MKLN1: variants seen among roughly 807,000 people sequenced by gnomAD.
MKLN1 encodes the protein muskelin 1.
MKLN1 carries 18 observed loss-of-function variants against 99.0 expected under a neutral mutation model. That is an observed-to-expected ratio of 0.18 (90% CI 0.13 to 0.27). MKLN1 has a LOEUF of 0.27. Among genes scored for constraint, MKLN1 ranks in the 10% least tolerant of loss-of-function variants. The pLI is 1.00. For synonymous variants in MKLN1, 288 were observed against 293.2 expected (o/e 0.98, Z 0.18); for missense variants, 621 against 875.9 (o/e 0.71, Z 3.67).
intron 3 of MKLN1, among the ~76,000 whole-genome samples, chr7:131,295,606 C>T (rs547278582): frequency 4.0e-5 from 6 of 151,808 alleles, no homozygotes; most frequent in Non-Finnish European, 8.8e-5. Context: ...TGGCAAAAAG[C>T]CAGGTGTGGT....
At chr7:131,313,976 T>C (rs1306487176) in intron 3 of MKLN1, among the ~76,000 whole-genome samples, 1 of 152,232 alleles carries the variant, frequency 6.6e-6, no homozygotes, top group Non-Finnish European at 1.5e-5. Context: ...AACACTTTCA[T>C]GGTGTACTTC....
intron 17 of MKLN1, among the ~76,000 whole-genome samples, chr7:131,483,972 ACT>A (rs1221424761): frequency 2.0e-5 from 3 of 152,162 alleles, no homozygotes; most frequent in African/African-American, 7.2e-5. Flanking sequence ...GCATGCATAC[ACT>A]CATATAAATA....
intron 2 of MKLN1, among the ~76,000 whole-genome samples, chr7:131,197,524 A>G (rs1267716739): frequency 6.6e-6 from 1 of 151,568 alleles, no homozygotes; most frequent in East Asian, 1.9e-4. Context: ...CTGGGGTTAC[A>G]GGCATGAACC....
At chr7:131,147,000 T>C (rs1043738628) in intron 2 of MKLN1, among the ~76,000 whole-genome samples, 11 of 152,196 alleles carry the variant, frequency 7.2e-5, no homozygotes, top group African/African-American at 2.7e-4. Flanking sequence ...GAAATGATTC[T>C]GCTAGGTTAA....
chr7:131,256,162 T>C (rs552266919), intron 3 of MKLN1, among the ~76,000 whole-genome samples: 51 of 152,212 alleles, frequency 3.4e-4, no homozygotes, highest in African/African-American at 1.2e-3. Flanking sequence ...CACCTCGGCC[T>C]CCCAAAGTGC....
Position 131,399,477 on chromosome 7 carries a change from C to T in MKLN1, c.703+44C>T, listed in dbSNP as rs374470316. The T allele has an allele frequency of 2.9e-5, 44 of 1,518,562 alleles. No homozygotes were observed. In the African/African-American group the frequency reaches 3.9e-4, roughly 14 times the overall value. The allele number at this position is 1,518,562 out of a possible 1,614,324, so 94.1% of individuals were successfully genotyped here. ...TTATTAGGGTAAATTCAAGTACATA[C>T]GGGAAACTTTTTCTCAAAAATAATA... On this transcript the variant is annotated intron_variant, in intron 6 of 17. Coordinates refer to ENST00000352689, the MANE Select transcript of MKLN1 (RefSeq NM_013255.5).
Position 131,399,157 on chromosome 7 carries a change from T to G in MKLN1, c.511-84T>G, listed in dbSNP as rs988895022. 14 of 1,128,340 alleles carry G rather than the reference T, an allele frequency of 1.2e-5. No homozygotes were observed. In the Admixed American group the frequency reaches 1.3e-4, roughly 11 times the overall value. 69.9% of individuals were successfully genotyped at this position (1,128,340 alleles called of 1,614,324 possible). On this transcript the variant is annotated intron_variant, in intron 5 of 17. Transcript: ENST00000352689. ...GTGTTAATAAATGCTCAGTGTAGATTAGTTATTTTTACTGTTGTTATTGTT... is the reference window on the plus strand; with the variant it reads ...GTGTTAATAAATGCTCAGTGTAGATGAGTTATTTTTACTGTTGTTATTGTT...
At chr7:131,206,445 C>A (rs1020922188) in intron 3 of MKLN1, among the ~76,000 whole-genome samples, 4 of 151,754 alleles carry the variant, frequency 2.6e-5, no homozygotes, top group African/African-American at 9.7e-5. Flanking sequence ...CAGTATTAAA[C>A]CAAAGAATTT....
intron 1 of MKLN1, among the ~76,000 whole-genome samples, chr7:131,127,989 A>G (rs1350385731): frequency 6.6e-6 from 1 of 152,224 alleles, no homozygotes; most frequent in Non-Finnish European, 1.5e-5. Flanking sequence ...AAACATTACC[A>G]GAATAAATTC....
chr7:131,433,678 T>G (rs1042306008), intron 9 of MKLN1, among the ~76,000 whole-genome samples: 1 of 152,202 alleles, frequency 6.6e-6, no homozygotes, highest in Admixed American at 6.5e-5. Flanking sequence ...CTTTTTGTAC[T>G]CTGTTCTGTT....
intron 1 of MKLN1, among the ~76,000 whole-genome samples, chr7:131,332,737 T>C (rs1370578358): frequency 6.6e-6 from 1 of 152,030 alleles, no homozygotes; most frequent in Non-Finnish European, 1.5e-5. Context: ...TTCCTTATGT[T>C]ATTAAATATT....
intron 3 of MKLN1, among the ~76,000 whole-genome samples, chr7:131,239,656 T>C (rs1266612646): frequency 2.0e-5 from 3 of 152,162 alleles, no homozygotes; most frequent in Non-Finnish European, 4.4e-5. Context: ...TGAAGTTTTC[T>C]TGTTTGATAC....
At chr7:131,257,330 T>C (rs1797671509) in intron 3 of MKLN1, among the ~76,000 whole-genome samples, 1 of 152,172 alleles carries the variant, frequency 6.6e-6, no homozygotes, top group Non-Finnish European at 1.5e-5. Flanking sequence ...TAAATTAACA[T>C]GTGCAGAAAT....
intron 3 of MKLN1, among the ~76,000 whole-genome samples, chr7:131,235,655 C>T (rs1480203729): frequency 6.6e-6 from 1 of 152,176 alleles, no homozygotes; most frequent in South Asian, 2.1e-4. Flanking sequence ...TAGGACTTCA[C>T]TGTGAACTTA....
intron 1 of MKLN1, among the ~76,000 whole-genome samples, chr7:131,340,206 C>T (rs990298377): frequency 6.6e-6 from 1 of 151,940 alleles, no homozygotes; most frequent in Non-Finnish European, 1.5e-5. Flanking sequence ...GGCACCCATT[C>T]CCCTGGCCTT....
chr7:131,122,036 G>A (rs1795380515), intron 1 of MKLN1, among the ~76,000 whole-genome samples: 1 of 152,204 alleles, frequency 6.6e-6, no homozygotes, highest in South Asian at 2.1e-4. Context: ...AAAAGGTCAA[G>A]AAAGATTATT....
At chr7:131,327,717 G>A (rs1467724628), upstream of MKLN1, 1 of 1,124,284 alleles carries the variant, frequency 8.9e-7, no homozygotes, top group East Asian at 2.7e-5. Context: ...AGCCGTCAAG[G>A]AGCGAGCGAC....
chr7:131,357,089 A>G (rs1799907203), intron 1 of MKLN1, among the ~76,000 whole-genome samples: 1 of 152,216 alleles, frequency 6.6e-6, no homozygotes, highest in Non-Finnish European at 1.5e-5. Flanking sequence ...AGAATTAATG[A>G]ACCAATATTT....
intron 8 of MKLN1, among the ~76,000 whole-genome samples, 189 bp downstream of exon 8, chr7:131,414,899 A>T (rs1794972623): frequency 6.6e-6 from 1 of 151,808 alleles, no homozygotes; most frequent in South Asian, 2.1e-4. Flanking sequence ...TCTAGTTTAT[A>T]TGTGTTGTAT....
Sources: gnomAD v4.1 joint callset for allele counts (sites outside exome capture counted in the v4.1 genomes callset) on GRCh38, gnomAD v4.1.1 for gene constraint, MANE v1.5 for transcripts, NCBI Gene and HGNC (gene_info 2026-07-23, HGNC 2026-07-21) for gene names.